Variants in CENATAC observed in about 807,000 individuals in gnomAD.
The protein encoded by CENATAC is coiled-coil domain containing 84.
CENATAC carries 53 observed loss-of-function variants against 53.7 expected under a neutral mutation model. That is an observed-to-expected ratio of 0.99 (90% CI 0.79 to 1.24). The LOEUF (loss-of-function observed/expected upper bound fraction) is 1.24, where lower values mean the gene tolerates loss of function less well. CENATAC is among the 50% of genes most tolerant of loss of function. The probability of loss-of-function intolerance (pLI) is 0.00; values close to 1 mark genes in which losing one functional copy is unlikely to be tolerated. For synonymous variants in CENATAC, 156 were observed against 144.6 expected, an observed-to-expected ratio of 1.08 and a Z score of -0.57; for missense variants, 474 against 417.8, an observed-to-expected ratio of 1.13 and a Z score of -1.17.
chr11:119,001,876 T>C, intron 3 of CENATAC: 1 of 265,148 alleles, frequency 3.8e-6, no homozygotes, highest in Non-Finnish European at 7.8e-6. Flanking sequence ...GGGCAGTGTA[T>C]CAAGACCCCA....
chr11:118,998,656 G>A, intron 2 of CENATAC, 63 bp downstream of exon 2: 2 of 1,510,620 alleles, frequency 1.3e-6, no homozygotes, highest in East Asian at 2.5e-5. Context: ...GGAGGGTTTG[G>A]GGTGGGTGAG....
At position 119,014,831 on chromosome 11, in the gene CENATAC, C is replaced by T. The variant is rs1434339644; in HGVS notation, c.716-163C>T. 8.8e-5 allele frequency: 45 copies of T among 512,712 alleles called. No individual in the cohort carries two copies. In the East Asian group the frequency reaches 1.2e-3, roughly 14 times the overall value. 31.8% of individuals were successfully genotyped at this position (512,712 alleles called of 1,614,324 possible). ...AATGACTGTCACATATGGGGTATGT[C>T]GCTTTAAATTAGCCTAGGGCCTTCT... On this transcript the variant is annotated intron_variant, in intron 8 of 10. Coordinates refer to ENST00000334418, the MANE Select transcript of CENATAC (RefSeq NM_198489.3).
rs1162625916 is a variant in CENATAC at position 119,015,650 on chromosome 11, T to C, written c.*52T>C. The C allele has an allele frequency of 1.9e-6, 3 of 1,546,158 alleles. No individual in the cohort carries two copies. Among genetic ancestry groups the C allele is most frequent in the Non-Finnish European group, 2.7e-6 (3 of 1,121,004 alleles). Reference sequence around the variant, plus strand: ...GCTAAAAGCAAAGTCAACAAACCCCTATTATACCTTCCACCAAATTCTTTA... The same window carrying C: ...GCTAAAAGCAAAGTCAACAAACCCCCATTATACCTTCCACCAAATTCTTTA... On this transcript the variant is annotated 3_prime_UTR_variant, in exon 11 of 11. Coordinates refer to ENST00000334418, the MANE Select transcript of CENATAC (RefSeq NM_198489.3).
chr11:119,013,364 C>A, intron 8 of CENATAC, 102 bp downstream of exon 8: 1 of 797,042 alleles, frequency 1.3e-6, no homozygotes, highest in Non-Finnish European at 2.0e-6. Context: ...GGCGCAATCT[C>A]AGCTCGCTGC....
At chr11:119,010,726 G>C (rs370630037) in intron 3 of CENATAC, 38 bp from the exon 4 acceptor site, 4 of 1,582,792 alleles carry the variant, frequency 2.5e-6, no homozygotes, top group Non-Finnish European at 3.5e-6. Context: ...AACTGGTGGG[G>C]AATGGGTTCT....
At position 118,998,208 on chromosome 11, in the gene CENATAC, C is replaced by T. The variant is rs1565655067; in HGVS notation, c.11C>T (p.Ala4Val). 5.7e-6 allele frequency: 9 copies of T among 1,580,710 alleles called. No individual in the cohort carries two copies. The South Asian group carries it at 9.2e-5, about 16-fold the overall frequency. Reference sequence around the variant, plus strand: ...CCGGGTACCCGGGCTATGGCGCCGGCGCAGCGCTGCCCTCTGTGCCGCCAG... The same window carrying T: ...CCGGGTACCCGGGCTATGGCGCCGGTGCAGCGCTGCCCTCTGTGCCGCCAG... Reference protein sequence around the residue: MAPAQRCPLCRQTF... With the variant: MAPVQRCPLCRQTF... The change falls in exon 1 of 11, where the codon GCG becomes GTG. Residue 4 changes from alanine to valine, a missense_variant. Coordinates refer to ENST00000334418, the MANE Select transcript of CENATAC (RefSeq NM_198489.3).
chr11:118,999,683 C>T (rs1285082680), intron 3 of CENATAC, among the ~76,000 whole-genome samples: 1 of 152,074 alleles, frequency 6.6e-6, no homozygotes, highest in Non-Finnish European at 1.5e-5. Context: ...CGCTCTGTTG[C>T]CCAGGCTGGA....
Position 119,015,738 on chromosome 11 carries a change from C to T in CENATAC, c.*140C>T. On this transcript the variant is annotated 3_prime_UTR_variant, in exon 11 of 11. Coordinates refer to ENST00000334418, the MANE Select transcript of CENATAC (RefSeq NM_198489.3). ...TTGATTTAATAAAGTTTTATTTTTCCAAATGTACAGCTGGTTGGACCTGTA... is the reference window on the plus strand; with the variant it reads ...TTGATTTAATAAAGTTTTATTTTTCTAAATGTACAGCTGGTTGGACCTGTA... The T allele has an allele frequency of 7.9e-7, 1 of 1,266,136 alleles. No individual in the cohort carries two copies. The allele number at this position is 1,266,136 out of a possible 1,614,324, so 78.4% of individuals were successfully genotyped here.
chr11:119,007,567 A>G (rs1942663222), intron 3 of CENATAC, among the ~76,000 whole-genome samples: 1 of 151,996 alleles, frequency 6.6e-6, no homozygotes, highest in South Asian at 2.1e-4. Flanking sequence ...ACAGCTCACT[A>G]CAGCCTCAAC....
At chr11:119,010,420 C>T (rs1207126341) in intron 3 of CENATAC, 1 of 262,880 alleles carries the variant, frequency 3.8e-6, no homozygotes, top group Non-Finnish European at 7.2e-6. Flanking sequence ...TCTATACTAA[C>T]CAGCCAAATA....
chr11:119,012,540 AACCCCC>A (rs1213149776), intron 7 of CENATAC: 1 of 297,396 alleles, frequency 3.4e-6, no homozygotes, highest in Non-Finnish European at 6.4e-6. Context: ...ATCTGAAACT[AACCCCC>A]ACCACTCCTA....
At chr11:119,002,412 C>T (rs1942353352) in intron 3 of CENATAC, among the ~76,000 whole-genome samples, 1 of 149,888 alleles carries the variant, frequency 6.7e-6, no homozygotes, top group Non-Finnish European at 1.5e-5. Context: ...AATCTCAGCT[C>T]ACTGCAACCT....
intron 3 of CENATAC, chr11:119,006,075 A>ATTTTTTTTTTTTTTTT (rs564551696): frequency 3.4e-5 from 2 of 58,510 alleles, no homozygotes; most frequent in African/African-American, 1.5e-4. Context: ...AGTAGGCAGG[A>ATTTTTTTTTTTTTTTT]TTTTTTTTTT....
In CENATAC at chr11:119,012,013, T is replaced by C; in HGVS notation, c.578+10T>C. On this transcript the variant is annotated intron_variant, in intron 6 of 10. Coordinates refer to ENST00000334418, the MANE Select transcript of CENATAC (RefSeq NM_198489.3). ...GGAAAGGGATGAACAGGTAAGACTATTAGGGAATCTCTTGTTGGGAATTTG... is the reference window on the plus strand; with the variant it reads ...GGAAAGGGATGAACAGGTAAGACTACTAGGGAATCTCTTGTTGGGAATTTG... 6.2e-7 allele frequency: 1 copy of C among 1,613,778 alleles called. No homozygotes were observed. Among genetic ancestry groups the C allele is most frequent in the Non-Finnish European group, 8.5e-7 (1 of 1,179,782 alleles).
chr11:119,011,790 G>T, intron 5 of CENATAC, 149 bp from the exon 6 acceptor site: 1 of 674,928 alleles, frequency 1.5e-6, no homozygotes. Context: ...CTGGGAGGGA[G>T]GGAGGGAAGA....
intron 3 of CENATAC, among the ~76,000 whole-genome samples, chr11:119,002,741 A>G (rs1942373081): frequency 1.3e-5 from 2 of 151,456 alleles, no homozygotes; most frequent in South Asian, 2.1e-4. Context: ...CATAAGAAGT[A>G]AGATTTCTCC....
At chr11:119,015,124 C>T in intron 9 of CENATAC, 41 bp downstream of exon 9, 1 of 1,544,714 alleles carries the variant, frequency 6.5e-7, no homozygotes, top group Non-Finnish European at 8.9e-7. Flanking sequence ...TAAATCTTCA[C>T]ACTCAAAAAT....
chr11:119,012,101 C>G, intron 6 of CENATAC, 48 bp from the exon 7 acceptor site: 1 of 1,613,938 alleles, frequency 6.2e-7, no homozygotes, highest in East Asian at 2.2e-5. Flanking sequence ...TCTTTACCAC[C>G]CTCATGGCTC....
Position 119,015,076 on chromosome 11 carries a change from T to TAA in CENATAC, c.800_801dup (p.Glu268LysfsTer8). 6.2e-7 allele frequency: 1 copy of TAA among 1,605,542 alleles called. No individual in the cohort carries two copies. Among genetic ancestry groups the TAA allele is most frequent in the Non-Finnish European group, 8.5e-7 (1 of 1,174,648 alleles). On this transcript the variant is annotated frameshift_variant, in exon 9 of 11. Transcript: ENST00000334418. LOFTEE classifies it high-confidence loss of function. The stretch of plus-strand genomic sequence containing the variant: ...TAGGACCATCCTATGAAGAATTTCT[T>TAA]AAAGAAAGTAAGTAAACTAATTCAA...
Sources: allele counts gnomAD v4.1 joint callset (sites outside exome capture counted in the v4.1 genomes callset), GRCh38; gene constraint gnomAD v4.1.1; transcripts MANE v1.5; gene names NCBI Gene and HGNC (gene_info 2026-07-23, HGNC 2026-07-21).